The following PAK3 variants were observed in gnomAD, a reference collection of about 807,000 sequenced individuals.
PAK3 encodes serine/threonine-protein kinase PAK 3.
PAK3 carries 4 observed loss-of-function variants against 41.0 expected under a neutral mutation model. The ratio of observed to expected loss-of-function variants is 0.10; its 90% confidence interval spans 0.05 to 0.22. The LOEUF (loss-of-function observed/expected upper bound fraction) is 0.22. PAK3 is among the 10% of genes least tolerant of loss of function. PAK3 has a pLI of 1.00. For synonymous variants in PAK3, 146 were observed against 139.6 expected (o/e 1.05, Z -0.32); for missense variants, 205 against 409.9 (o/e 0.50, Z 4.32).
chrX:111,122,123 G>A (rs1161991511), intron 4 of PAK3, among the ~76,000 whole-genome samples: 1 of 107,526 alleles, frequency 9.3e-6, no homozygotes, highest in Admixed American at 1.0e-4. Flanking sequence ...GGGCGTGGTG[G>A]TGGGTGCCTG....
At chrX:111,065,166 C>A (rs1198551273) in intron 1 of PAK3, among the ~76,000 whole-genome samples, 1 of 111,888 alleles carries the variant, frequency 8.9e-6, no homozygotes, top group Non-Finnish European at 1.9e-5. Flanking sequence ...CAGCATTTGT[C>A]CATTCAGTAT....
intron 4 of PAK3, among the ~76,000 whole-genome samples, chrX:111,112,367 G>A (rs1229093577): frequency 9.1e-6 from 1 of 110,095 alleles, no homozygotes; most frequent in East Asian, 2.9e-4. Context: ...TCAGGCTCCA[G>A]GGAGTCTCTG....
At chrX:111,201,079 G>T (rs2094677489) in intron 16 of PAK3, among the ~76,000 whole-genome samples, 1 of 111,720 alleles carries the variant, frequency 9.0e-6, no homozygotes, top group East Asian at 2.8e-4. Flanking sequence ...CTGTGAGAAA[G>T]ACCACCCTGT....
chrX:111,089,453 T>C (rs2092913441), intron 1 of PAK3, among the ~76,000 whole-genome samples: 2 of 112,279 alleles, frequency 1.8e-5, no homozygotes, highest in East Asian at 2.8e-4. Flanking sequence ...TTGGGTACTG[T>C]AGTGATATCA....
chrX:110,953,170 TG>T (rs1174102213), intron 1 of PAK3, among the ~76,000 whole-genome samples: 1 of 111,891 alleles, frequency 8.9e-6, no homozygotes, highest in African/African-American at 3.3e-5. Context: ...TGGAAGGGGA[TG>T]TCTGACTCCA....
chrX:110,989,767 T>G (rs1292556610), intron 1 of PAK3, among the ~76,000 whole-genome samples: 2 of 111,682 alleles, frequency 1.8e-5, no homozygotes, highest in Admixed American at 1.9e-4. Flanking sequence ...GCCTCCTAGT[T>G]GCTCTGTCAT....
At chrX:111,192,469 G>A in intron 12 of PAK3, 37 bp from the exon 13 acceptor site, 3 of 725,796 alleles carry the variant, frequency 4.1e-6, no homozygotes, top group Non-Finnish European at 6.6e-6. Context: ...TTATTATAAT[G>A]ATTGTAATTC....
Position 111,179,255 on chromosome X carries a change from T to C in PAK3, c.830+6174T>C, listed in dbSNP as rs755425090. ...TCAAATATATTACCTGACTTCCATC[T>C]AAGATATTTGAGATTTTGAACCCAC... On this transcript the variant is annotated intron_variant, in intron 11 of 17. Coordinates refer to ENST00000372007, the MANE Select transcript of PAK3 (RefSeq NM_002578.5). 2.7e-5 allele frequency among the ~76,000 whole-genome samples: 3 copies of C among 109,996 alleles called. No homozygotes were observed. The East Asian group carries it at 8.6e-4, about 32-fold the overall frequency.
chrX:110,977,797 A>G (rs1345468814), intron 1 of PAK3, among the ~76,000 whole-genome samples: 1 of 111,810 alleles, frequency 8.9e-6, no homozygotes, highest in Non-Finnish European at 1.9e-5. Context: ...AATTATTTTT[A>G]GTGGATTCCT....
chrX:111,070,878 G>A (rs963991262), intron 1 of PAK3, among the ~76,000 whole-genome samples: 11 of 111,796 alleles, frequency 9.8e-5, no homozygotes, highest in African/African-American at 3.3e-4. Flanking sequence ...TCTCCAAAGA[G>A]CCCAACCAGG....
chrX:111,038,552 G>A (rs2148765737), intron 1 of PAK3, among the ~76,000 whole-genome samples: 1 of 111,949 alleles, frequency 8.9e-6, no homozygotes, highest in Non-Finnish European at 1.9e-5. Context: ...TTATAAGGAG[G>A]TAGACAGGTT....
intron 16 of PAK3, among the ~76,000 whole-genome samples, chrX:111,204,806 C>T (rs1489506805): frequency 9.2e-6 from 1 of 108,916 alleles, no homozygotes; most frequent in Non-Finnish European, 1.9e-5. Flanking sequence ...AATAATCAAA[C>T]TGACCTTTCT....
At position 111,018,214 on chromosome X, in the gene PAK3, C is replaced by G. The variant is rs1461064413; in HGVS notation, c.-28+73586C>G. Among the ~76,000 whole-genome samples the G allele has an allele frequency of 2.7e-5, 3 of 110,935 alleles. No homozygotes were observed. In the East Asian group the frequency reaches 8.5e-4, roughly 31 times the overall value. On this transcript the variant is annotated intron_variant, in intron 1 of 14. Transcript: ENST00000425146. ...TCAGCTTTTTGGCACCTCTATTGAA[C>G]ATAGTATTAGAATGCCTAGACAGAC...
chrX:111,206,852 A>G (rs1247835249), intron 16 of PAK3, among the ~76,000 whole-genome samples: 3 of 111,591 alleles, frequency 2.7e-5, no homozygotes, highest in Non-Finnish European at 5.6e-5. Flanking sequence ...CATGATATCC[A>G]TAAACACATC....
rs1302612915 is a variant in PAK3 at position 111,196,372 on chromosome X, C to A, written c.1211-72C>A. On this transcript the variant is annotated intron_variant, in intron 15 of 17. Coordinates refer to ENST00000372007, the MANE Select transcript of PAK3 (RefSeq NM_002578.5). ...AGTGTGTAGCAAAGGAAGGTACAGC[C>A]ATATCTGAAAGTGATATATTGTAAA... The A allele has an allele frequency of 1.3e-5, 11 of 814,930 alleles. No homozygotes were observed. In the Middle Eastern group the frequency reaches 1.1e-3, roughly 82 times the overall value. 67.2% of individuals were successfully genotyped at this position (814,930 alleles called of 1,213,427 possible).
chrX:111,168,177 T>C (rs2094287557), intron 10 of PAK3, among the ~76,000 whole-genome samples: 1 of 112,148 alleles, frequency 8.9e-6, no homozygotes, highest in South Asian at 3.6e-4. Context: ...TCAGAAAATA[T>C]ATTGATGGGC....
chrX:111,087,108 A>T (rs1043502137), intron 1 of PAK3, among the ~76,000 whole-genome samples: 5 of 101,256 alleles, frequency 4.9e-5, no homozygotes, highest in Non-Finnish European at 1.0e-4. Context: ...TAAATTTTCC[A>T]TATTAGCAGC....
intron 1 of PAK3, among the ~76,000 whole-genome samples, chrX:111,026,437 G>A (rs1040067163): frequency 9.0e-6 from 1 of 111,506 alleles, no homozygotes; most frequent in South Asian, 3.8e-4. Flanking sequence ...TCCTAGAACT[G>A]GGAAATGAAT....
At chrX:111,120,622 A>G (rs1228283087) in intron 4 of PAK3, among the ~76,000 whole-genome samples, 1 of 111,808 alleles carries the variant, frequency 8.9e-6, no homozygotes, top group Non-Finnish European at 1.9e-5. Context: ...GACTTCTGTC[A>G]TCTCAAGTTA....
Sources: allele counts gnomAD v4.1 joint callset (sites outside exome capture counted in the v4.1 genomes callset), GRCh38; gene constraint gnomAD v4.1.1; transcripts MANE v1.5; gene names NCBI Gene and HGNC (gene_info 2026-07-23, HGNC 2026-07-21).